GLIS3: variants seen among roughly 807,000 people sequenced by gnomAD.
GLIS3 encodes GLIS family zinc finger 3.
A neutral mutation model predicts 78.6 loss-of-function variants in GLIS3; 53 were observed. The ratio of observed to expected loss-of-function variants is 0.67; its 90% confidence interval spans 0.54 to 0.85. GLIS3 has a LOEUF of 0.85. GLIS3 is among the 40% of genes least tolerant of loss of function. The pLI is 0.00. For missense variants in GLIS3, 1,703 were observed against 1,231.1 expected, an observed-to-expected ratio of 1.38 and a Z score of -5.74; for synonymous variants, 684 against 509.9, an observed-to-expected ratio of 1.34 and a Z score of -4.60.
the GLIS3 span, among the ~76,000 whole-genome samples, chr9:4,393,488 T>C: frequency 1.3e-5 from 2 of 152,344 alleles, no homozygotes; most frequent in Admixed American, 6.5e-5. Flanking sequence ...TGCCTTATAA[T>C]ATCTTTTCTA....
At chr9:4,364,174 C>A in the GLIS3 span, among the ~76,000 whole-genome samples, 7 of 152,188 alleles carry the variant, frequency 4.6e-5, no homozygotes, top group Non-Finnish European at 8.8e-5. Flanking sequence ...TAATAATTTT[C>A]ATTTGATCTT....
At chr9:3,840,124 G>A (rs1818623519) in intron 9 of GLIS3, among the ~76,000 whole-genome samples, 1 of 152,160 alleles carries the variant, frequency 6.6e-6, no homozygotes, top group African/African-American at 2.4e-5. Context: ...GTATAACAGT[G>A]TTTATAAAAG....
chr9:4,340,348 G>A (rs1217104764), intron 2 of GLIS3, among the ~76,000 whole-genome samples: 6 of 133,320 alleles, frequency 4.5e-5, no homozygotes, highest in Non-Finnish European at 9.3e-5. Context: ...GATGTCATCT[G>A]ACTTTTGAGC....
At chr9:4,474,481 G>C in the GLIS3 span, among the ~76,000 whole-genome samples, 1 of 152,028 alleles carries the variant, frequency 6.6e-6, no homozygotes, top group African/African-American at 2.4e-5. Flanking sequence ...TTCAATAAAT[G>C]CTCCTGGATT....
At chr9:3,840,555 C>A (rs1045777493) in intron 9 of GLIS3, among the ~76,000 whole-genome samples, 2 of 152,194 alleles carry the variant, frequency 1.3e-5, no homozygotes, top group African/African-American at 4.8e-5. Context: ...CTATTTACGA[C>A]TGACATTTAA....
chr9:4,098,762 T>C (rs1345160377), intron 4 of GLIS3, among the ~76,000 whole-genome samples: 4 of 152,176 alleles, frequency 2.6e-5, no homozygotes. Flanking sequence ...ATTCCAAGGA[T>C]CACGATTTAA....
intron 2 of GLIS3, among the ~76,000 whole-genome samples, chr9:4,142,608 G>C (rs867724788): frequency 6.6e-6 from 1 of 152,124 alleles, no homozygotes; most frequent in African/African-American, 2.4e-5. Flanking sequence ...CTTATACAAT[G>C]AGTGGAATAC....
intron 2 of GLIS3, among the ~76,000 whole-genome samples, chr9:4,234,326 G>T (rs970108098): frequency 1.3e-5 from 2 of 152,098 alleles, no homozygotes; most frequent in African/African-American, 4.8e-5. Flanking sequence ...CCTTTCACTT[G>T]AATACTTAAA....
chr9:4,339,134 C>A (rs1023876650), intron 2 of GLIS3, among the ~76,000 whole-genome samples: 2 of 152,198 alleles, frequency 1.3e-5, no homozygotes, highest in Non-Finnish European at 1.5e-5. Context: ...ACACCTCAGT[C>A]ATGATTTAGT....
rs193269040 is a variant in GLIS3, at chr9:3,967,139, C to A, written c.1711-29950G>T. ...AAGTCCAGTAAGGATCTCTATCTGC[C>A]ATACACCTGGCCAATTCATTTTCAG... On this transcript the variant is annotated intron_variant, in intron 4 of 10. Coordinates refer to ENST00000381971, the MANE Select transcript of GLIS3 (RefSeq NM_001042413.2). Among the ~76,000 whole-genome samples the A allele has an allele frequency of 2.8e-4, 42 of 150,004 alleles. No homozygotes were observed. The East Asian group carries it at 6.2e-3, about 22-fold the overall frequency.
chr9:4,078,623 A>T (rs1828280534), intron 4 of GLIS3, among the ~76,000 whole-genome samples: 1 of 152,206 alleles, frequency 6.6e-6, no homozygotes, highest in Non-Finnish European at 1.5e-5. Flanking sequence ...CAGGCAGGGT[A>T]AAGCGGTGGA....
At chr9:4,172,160 G>A (rs907558089) in intron 2 of GLIS3, among the ~76,000 whole-genome samples, 1 of 152,148 alleles carries the variant, frequency 6.6e-6, no homozygotes, top group African/African-American at 2.4e-5. Context: ...TTCAGGCTTG[G>A]AATAAATCCA....
At chr9:4,259,689 A>C (rs939795219) in intron 2 of GLIS3, among the ~76,000 whole-genome samples, 1 of 152,214 alleles carries the variant, frequency 6.6e-6, no homozygotes, top group African/African-American at 2.4e-5. Flanking sequence ...TAACCTAGCG[A>C]AGGAGGCAGG....
At chr9:4,385,175 C>A in the GLIS3 span, among the ~76,000 whole-genome samples, 35 of 152,330 alleles carry the variant, frequency 2.3e-4, no homozygotes, top group Non-Finnish European at 4.0e-4. Flanking sequence ...TTGCAGTGTG[C>A]CTGCAGGACT....
At chr9:4,336,470 A>G (rs533043874) in intron 2 of GLIS3, among the ~76,000 whole-genome samples, 1 of 150,994 alleles carries the variant, frequency 6.6e-6, no homozygotes, top group Non-Finnish European at 1.5e-5. Flanking sequence ...TTCTGGTGCC[A>G]GACCCTGAGG....
chr9:4,069,766 T>C (rs1827431457), intron 4 of GLIS3, among the ~76,000 whole-genome samples: 1 of 152,104 alleles, frequency 6.6e-6, no homozygotes, highest in Non-Finnish European at 1.5e-5. Context: ...TTTTGTTATT[T>C]TGCCAAAGCT....
chr9:4,419,299 G>A, the GLIS3 span, among the ~76,000 whole-genome samples: 3 of 152,126 alleles, frequency 2.0e-5, no homozygotes, highest in African/African-American at 4.8e-5. Context: ...TTCTTGCATT[G>A]CTACAAAGAA....
intron 8 of GLIS3, among the ~76,000 whole-genome samples, chr9:3,864,509 C>G (rs1242537517): frequency 3.3e-5 from 5 of 152,326 alleles, no homozygotes; most frequent in African/African-American, 1.2e-4. Flanking sequence ...TGAGAACCAA[C>G]TTTAAACGCA....
intron 6 of GLIS3, among the ~76,000 whole-genome samples, chr9:3,908,720 T>G (rs1329777860): frequency 1.4e-5 from 2 of 145,704 alleles, no homozygotes; most frequent in East Asian, 4.0e-4. Context: ...TTTTTTTTTT[T>G]TTTTTTTTGT....
Sources: allele counts gnomAD v4.1 joint callset (sites outside exome capture counted in the v4.1 genomes callset), GRCh38; gene constraint gnomAD v4.1.1; transcripts MANE v1.5; gene names NCBI Gene and HGNC (gene_info 2026-07-23, HGNC 2026-07-21).